TCF7L2: variants seen among roughly 807,000 people sequenced by gnomAD.
TCF7L2 encodes the protein transcription factor 7 like 2.
In TCF7L2, 23 loss-of-function variants were observed where a neutral mutation model predicts 77.9. The observed-to-expected ratio is 0.30, with a 90% CI of 0.21 to 0.42. The LOEUF (loss-of-function observed/expected upper bound fraction) is 0.42, where lower values mean the gene tolerates loss of function less well. Among genes scored for constraint, TCF7L2 ranks in the 10% least tolerant of loss-of-function variants. TCF7L2 has a pLI of 1.00. For missense variants in TCF7L2, 654 were observed against 793.1 expected, an observed-to-expected ratio of 0.82 and a Z score of 2.11; for synonymous variants, 413 against 340.2, an observed-to-expected ratio of 1.21 and a Z score of -2.36.
intron 5 of TCF7L2, among the ~76,000 whole-genome samples, chr10:113,111,929 T>C (rs2063178614): frequency 6.6e-6 from 1 of 152,176 alleles, no homozygotes. Context: ...TTATGAGAAA[T>C]AGTCACGCCT....
chr10:113,163,153 C>T lies in TCF7L2; in HGVS notation c.1392-2402C>T, dbSNP rs150548601. ...CTCTGTCGCCATAGTCTTCATGTCC[C>T]GTGTTCCAGATACCCCTCTCATTCC... On this transcript the variant is annotated intron_variant, in intron 13 of 13. Coordinates refer to ENST00000627217, the MANE Select transcript of TCF7L2 (RefSeq NM_001146274.2). Among the ~76,000 whole-genome samples the T allele has an allele frequency of 5.3e-5, 8 of 152,270 alleles. No homozygotes were observed. The East Asian group carries it at 1.2e-3, about 22-fold the overall frequency.
chr10:113,067,318 A>G (rs773419531), intron 5 of TCF7L2, among the ~76,000 whole-genome samples: 1 of 152,198 alleles, frequency 6.6e-6, no homozygotes, highest in Non-Finnish European at 1.5e-5. Flanking sequence ...TGGCAGAAGA[A>G]TTTTCTGGTA....
chr10:113,102,210 G>A (rs886082507), intron 5 of TCF7L2, among the ~76,000 whole-genome samples: 1 of 150,972 alleles, frequency 6.6e-6, no homozygotes, highest in Non-Finnish European at 1.5e-5. Flanking sequence ...TTAGGAGCGT[G>A]TGCTCTGTAC....
At chr10:113,076,101 A>G (rs2058663085) in intron 5 of TCF7L2, among the ~76,000 whole-genome samples, 1 of 140,288 alleles carries the variant, frequency 7.1e-6, no homozygotes, top group South Asian at 2.2e-4. Context: ...ACGCCACTGC[A>G]CTCCAGCGTA....
rs1315163531 is a variant in TCF7L2, at chr10:113,165,774, C to T, written c.1611C>T (p.Ala537=). ...TGTCCATGATGCCTCCGCCACCCGCCCTCCTGCTCGCTGAGGCCACCCACA... is the reference window on the plus strand; with the variant it reads ...TGTCCATGATGCCTCCGCCACCCGCTCTCCTGCTCGCTGAGGCCACCCACA... The change falls in exon 14 of 14, where the codon GCC becomes GCT. Residue 537 remains alanine (A), a synonymous_variant. Transcript: ENST00000627217. 5.6e-6 allele frequency: 9 copies of T among 1,607,652 alleles called. No homozygotes were observed. The highest frequency in any genetic ancestry group is 1.1e-5 in the South Asian group (1 of 90,118).
At chr10:113,113,014 G>T (rs922484251) in intron 5 of TCF7L2, among the ~76,000 whole-genome samples, 9 of 152,124 alleles carry the variant, frequency 5.9e-5, no homozygotes, top group Admixed American at 5.9e-4. Context: ...TTAACTCTTG[G>T]TTGTAGCAGA....
At chr10:113,081,709 G>A (rs1460007656) in intron 5 of TCF7L2, among the ~76,000 whole-genome samples, 1 of 152,232 alleles carries the variant, frequency 6.6e-6, no homozygotes, top group Non-Finnish European at 1.5e-5. Flanking sequence ...CCTCATCCCT[G>A]TTGCGGAAAA....
At chr10:113,066,242 G>A (rs1262752230) in intron 5 of TCF7L2, among the ~76,000 whole-genome samples, 2 of 152,066 alleles carry the variant, frequency 1.3e-5, no homozygotes, top group African/African-American at 4.8e-5. Flanking sequence ...GTGCATGCCT[G>A]TAATCCCAGC....
chr10:112,967,578 G>A (rs917895127), intron 4 of TCF7L2, among the ~76,000 whole-genome samples: 1 of 152,008 alleles, frequency 6.6e-6, no homozygotes, highest in African/African-American at 2.4e-5. Context: ...GAGCAACTCA[G>A]ATGGCCACGT....
At chr10:113,084,575 C>T (rs1336328545) in intron 5 of TCF7L2, among the ~76,000 whole-genome samples, 2 of 152,062 alleles carry the variant, frequency 1.3e-5, no homozygotes, top group Non-Finnish European at 2.9e-5. Context: ...ACCAAATATC[C>T]GGGCACCTTG....
chr10:113,109,785 C>T (rs575852920), intron 5 of TCF7L2, among the ~76,000 whole-genome samples: 2 of 152,336 alleles, frequency 1.3e-5, no homozygotes, highest in African/African-American at 2.4e-5. Context: ...AAGCCCCATA[C>T]AGCTTTTATA....
intron 5 of TCF7L2, among the ~76,000 whole-genome samples, chr10:113,084,395 T>C (rs2059612580): frequency 6.6e-6 from 1 of 152,228 alleles, no homozygotes; most frequent in Non-Finnish European, 1.5e-5. Context: ...CCGAAGGCAG[T>C]TACTCAGGAG....
intron 3 of TCF7L2, among the ~76,000 whole-genome samples, chr10:112,952,148 G>A (rs138272435): frequency 5.9e-5 from 9 of 152,202 alleles, no homozygotes; most frequent in African/African-American, 2.2e-4. Context: ...GTTTCCTCCA[G>A]GCATTGGACT....
At chr10:113,140,011 G>A (rs915226710) in intron 5 of TCF7L2, among the ~76,000 whole-genome samples, 2 of 152,164 alleles carry the variant, frequency 1.3e-5, no homozygotes, top group African/African-American at 4.8e-5. Context: ...GTTCTGAAAT[G>A]AAACTTGACT....
chr10:113,028,290 T>C (rs2049565337), intron 4 of TCF7L2, among the ~76,000 whole-genome samples: 2 of 152,286 alleles, frequency 1.3e-5, no homozygotes, highest in South Asian at 4.1e-4. Flanking sequence ...AGGCTGCTTC[T>C]GGCTGAGGCA....
chr10:113,110,428 T>C (rs1466470330), intron 5 of TCF7L2, among the ~76,000 whole-genome samples: 1 of 151,560 alleles, frequency 6.6e-6, no homozygotes, highest in Non-Finnish European at 1.5e-5. Context: ...AGAAGCAGTG[T>C]TTTCACATGT....
intron 5 of TCF7L2, among the ~76,000 whole-genome samples, chr10:113,052,193 ACT>A (rs2054590900): frequency 6.6e-6 from 1 of 151,918 alleles, no homozygotes; most frequent in East Asian, 1.9e-4. Context: ...TGATCCAAGG[ACT>A]CTGAGCCGAG....
intron 5 of TCF7L2, among the ~76,000 whole-genome samples, chr10:113,090,829 C>T (rs573517611): frequency 2.4e-4 from 36 of 152,080 alleles, no homozygotes; most frequent in East Asian, 1.8e-3. Flanking sequence ...AGGATGGTCT[C>T]GATCTCCTGA....
At chr10:113,100,936 G>T (rs942144933) in intron 5 of TCF7L2, among the ~76,000 whole-genome samples, 1 of 152,144 alleles carries the variant, frequency 6.6e-6, no homozygotes, top group Non-Finnish European at 1.5e-5. Flanking sequence ...TTAGGCAGGC[G>T]TGGTGGCGTT....
Sources: allele counts gnomAD v4.1 joint callset (sites outside exome capture counted in the v4.1 genomes callset), GRCh38; gene constraint gnomAD v4.1.1; transcripts MANE v1.5; gene names NCBI Gene and HGNC (gene_info 2026-07-23, HGNC 2026-07-21).